The following INSL6 variants were observed in gnomAD, a reference collection of about 807,000 sequenced individuals.
INSL6 encodes the protein insulin-like peptide INSL6.
A neutral mutation model predicts 9.4 loss-of-function variants in INSL6; 16 were observed. That is an observed-to-expected ratio of 1.70 (90% CI 1.15 to 2.59). The LOEUF (loss-of-function observed/expected upper bound fraction) is 2.59, where lower values mean the gene tolerates loss of function less well. INSL6 is among the 30% of genes most tolerant of loss of function. The probability of loss-of-function intolerance (pLI) is 0.00; values close to 1 mark genes in which losing one functional copy is unlikely to be tolerated. For synonymous variants in INSL6, 154 were observed against 96.9 expected, an observed-to-expected ratio of 1.59 and a Z score of -3.46; for missense variants, 391 against 257.3, an observed-to-expected ratio of 1.52 and a Z score of -3.56.
At chr9:5,056,925 T>C in the INSL6 span, among the ~76,000 whole-genome samples, 2 of 152,176 alleles carry the variant, frequency 1.3e-5, no homozygotes, top group South Asian at 2.1e-4. Flanking sequence ...TAAACTCAAA[T>C]GCATGCTTTG....
At chr9:5,150,913 A>C (rs892769884) in intron 2 of INSL6, among the ~76,000 whole-genome samples, 5 of 151,988 alleles carry the variant, frequency 3.3e-5, no homozygotes, top group African/African-American at 1.2e-4. Flanking sequence ...TAAAAAGAAT[A>C]AAATGTATTT....
downstream of INSL6, among the ~76,000 whole-genome samples, chr9:5,159,477 G>C (rs1447691818): frequency 6.6e-6 from 1 of 151,706 alleles, no homozygotes; most frequent in African/African-American, 2.4e-5. Flanking sequence ...CATGCCAATG[G>C]AAACCAAAAA....
At chr9:5,087,830 TTATTTA>T in the INSL6 span, among the ~76,000 whole-genome samples, 1 of 151,898 alleles carries the variant, frequency 6.6e-6, no homozygotes, top group Admixed American at 6.6e-5. Context: ...ACACAAATAT[TTATTTA>T]TAAGAATATT....
the INSL6 span, among the ~76,000 whole-genome samples, chr9:4,998,970 C>T: frequency 4.0e-5 from 6 of 150,940 alleles, no homozygotes; most frequent in Admixed American, 6.6e-5. Flanking sequence ...TACAGGTGCC[C>T]GCCACCACGC....
the INSL6 span, among the ~76,000 whole-genome samples, chr9:5,116,128 C>T: frequency 6.6e-6 from 1 of 151,886 alleles, no homozygotes; most frequent in East Asian, 1.9e-4. Context: ...TATGGATAAT[C>T]TCATTTAATC....
the INSL6 span, chr9:5,091,111 C>CTAT: frequency 4.6e-6 from 2 of 439,068 alleles, no homozygotes; most frequent in Non-Finnish European, 8.0e-6. Context: ...TGCTTTATTT[C>CTAT]TATTAAGTGT....
At chr9:5,142,311 C>A (rs576027410) in intron 2 of INSL6, among the ~76,000 whole-genome samples, 1 of 152,128 alleles carries the variant, frequency 6.6e-6, no homozygotes, top group African/African-American at 2.4e-5. Flanking sequence ...GGCAGTAGGG[C>A]CATTTTAACT....
the INSL6 span, chr9:5,022,279 C>T: frequency 2.9e-6 from 3 of 1,029,376 alleles, no homozygotes; most frequent in East Asian, 4.8e-5. Flanking sequence ...TATGCTAATA[C>T]TAGGTACATG....
chr9:5,111,547 C>A, the INSL6 span: 4 of 368,210 alleles, frequency 1.1e-5, no homozygotes, highest in Non-Finnish European at 2.1e-5. Context: ...GTCCCGCCCC[C>A]TTCTACATGG....
chr9:5,004,729 T>C, the INSL6 span, among the ~76,000 whole-genome samples: 2 of 152,200 alleles, frequency 1.3e-5, no homozygotes, highest in African/African-American at 4.8e-5. Context: ...ACTGTAAAAA[T>C]TTACATTTTC....
intron 1 of INSL6, among the ~76,000 whole-genome samples, chr9:5,176,532 A>G (rs940216526): frequency 6.6e-6 from 1 of 152,190 alleles, no homozygotes; most frequent in African/African-American, 2.4e-5. Context: ...TCATAAGACT[A>G]AGCAAAAGTA....
chr9:5,107,163 T>A, the INSL6 span, among the ~76,000 whole-genome samples: 2 of 152,154 alleles, frequency 1.3e-5, no homozygotes, highest in African/African-American at 4.8e-5. Flanking sequence ...CCTACTCTTT[T>A]AGTATAAAGA....
chr9:5,108,258 G>C, the INSL6 span: 2 of 152,018 alleles, frequency 1.3e-5, no homozygotes, highest in African/African-American at 4.8e-5. Flanking sequence ...CACAGCCACA[G>C]AACTAATTAT....
chr9:5,176,106 C>T (rs1428061734), intron 1 of INSL6, among the ~76,000 whole-genome samples: 1 of 152,130 alleles, frequency 6.6e-6, no homozygotes, highest in East Asian at 1.9e-4. Flanking sequence ...CTACTACTTT[C>T]CTCATTTTCT....
chr9:5,181,197 A>G (rs1825443882), intron 1 of INSL6, among the ~76,000 whole-genome samples: 1 of 152,188 alleles, frequency 6.6e-6, no homozygotes, highest in Admixed American at 6.5e-5. Flanking sequence ...ACTTTTAAAT[A>G]TATATGAAAG....
the INSL6 span, among the ~76,000 whole-genome samples, chr9:5,002,435 T>C: frequency 6.6e-6 from 1 of 151,972 alleles, no homozygotes; most frequent in Admixed American, 6.6e-5. Context: ...TACTGGGAGA[T>C]TTTCTAGATA....
chr9:5,026,111 C>T, the INSL6 span, among the ~76,000 whole-genome samples: 1 of 152,132 alleles, frequency 6.6e-6, no homozygotes, highest in East Asian at 1.9e-4. Flanking sequence ...CATCTCTAAC[C>T]TTTCTTTGGG....
the INSL6 span, chr9:5,066,787 G>A: frequency 6.1e-6 from 9 of 1,479,036 alleles, no homozygotes; most frequent in Admixed American, 2.0e-5. Flanking sequence ...TTTTGCTGTC[G>A]AGGTTAGTAT....
the INSL6 span, among the ~76,000 whole-genome samples, chr9:5,068,163 A>G: frequency 1.9e-5 from 2 of 104,676 alleles, no homozygotes; most frequent in African/African-American, 1.0e-4. Flanking sequence ...GGTCTCAAAA[A>G]AAAACAACAA....
Sources: gnomAD v4.1 joint callset for allele counts (sites outside exome capture counted in the v4.1 genomes callset) on GRCh38, gnomAD v4.1.1 for gene constraint, MANE v1.5 for transcripts, NCBI Gene and HGNC (gene_info 2026-07-23, HGNC 2026-07-21) for gene names.